The following MLYCD variants were observed in gnomAD, a reference collection of about 807,000 sequenced individuals.
MLYCD encodes the protein malonyl-CoA decarboxylase, mitochondrial.
In MLYCD, 27 loss-of-function variants were observed where a neutral mutation model predicts 35.8. That is an observed-to-expected ratio of 0.75 (90% CI 0.56 to 1.04). MLYCD has a LOEUF of 1.04. Among genes scored for constraint, MLYCD ranks in the 50% least tolerant of loss-of-function variants. The pLI is 0.00. For synonymous variants in MLYCD, 403 were observed against 302.4 expected (o/e 1.33, Z -3.45); for missense variants, 917 against 665.1 (o/e 1.38, Z -4.17).
Position 83,923,114 on chromosome 16 carries a change from G to A in MLYCD, c.*7625G>A, listed in dbSNP as rs1907704368. On this transcript the variant is annotated 3_prime_UTR_variant, in exon 5 of 5. Coordinates refer to ENST00000262430, the MANE Select transcript of MLYCD (RefSeq NM_012213.3). ...ACCCTCTCCATCCCTCCTTCCCTCT[G>A]AGGGCTTGACCTTCACTGACCTCCA... The A allele has an allele frequency of 6.6e-6, 1 of 152,224 alleles. No homozygotes were observed. The highest frequency in any genetic ancestry group is 6.5e-5 in the Admixed American group (1 of 15,276). The allele number at this position is 152,224 out of a possible 1,614,324, so 9.4% of individuals were successfully genotyped here.
rs763475214 is a variant in MLYCD at position 83,924,100 on chromosome 16, G to A, written c.*8611G>A. The A allele has an allele frequency of 3.3e-5, 5 of 152,534 alleles. No individual in the cohort carries two copies. Among genetic ancestry groups the A allele is most frequent in the South Asian group, 2.1e-4 (1 of 4,824 alleles). 9.4% of individuals were successfully genotyped at this position (152,534 alleles called of 1,614,324 possible). ...ACCAAAGCATAAAATCCAGGCCAGC[G>A]AGGGGCAGCCAGACCACGGGAAGAC... is the stretch of plus-strand genomic sequence containing the variant. On this transcript the variant is annotated 3_prime_UTR_variant, in exon 5 of 5. Coordinates refer to ENST00000262430, the MANE Select transcript of MLYCD (RefSeq NM_012213.3).
At position 83,926,792 on chromosome 16, in the gene MLYCD, T is replaced by G. The variant is rs1907821098; in HGVS notation, c.*11303T>G. The G allele has an allele frequency of 6.6e-6, 1 of 152,190 alleles. No homozygotes were observed. The highest frequency in any genetic ancestry group is 2.4e-5 in the African/African-American group (1 of 41,434). The allele number at this position is 152,190 out of a possible 1,614,324, so 9.4% of individuals were successfully genotyped here. On this transcript the variant is annotated 3_prime_UTR_variant, in exon 5 of 5. Transcript: ENST00000262430. ...AAAATGAGTCTCTGGGACAGATGGA[T>G]CCCAGTCTGGGTCCTCGCAAGCGCT...
In MLYCD at chr16:83,906,661, A is replaced by G. The variant is rs567951014; in HGVS notation, c.529-326A>G. On this transcript the variant is annotated intron_variant, in intron 1 of 4. Transcript: ENST00000262430. ...TCTTTCATTGTTATGTTGATTTTATATGATTAGTATGCTCACTATGGTGAA... is the reference window on the plus strand; with the variant it reads ...TCTTTCATTGTTATGTTGATTTTATGTGATTAGTATGCTCACTATGGTGAA... Among the ~76,000 whole-genome samples, 28 of 152,300 alleles carry G rather than the reference A, an allele frequency of 1.8e-4. No individual in the cohort carries two copies. In the South Asian group the frequency reaches 5.0e-3, roughly 27 times the overall value.
In MLYCD at chr16:83,908,201, C is replaced by T. The variant is rs754841612; in HGVS notation, c.717C>T (p.Phe239=). 5.6e-6 allele frequency: 9 copies of T among 1,614,218 alleles called. No individual in the cohort carries two copies. In the South Asian group the frequency reaches 7.7e-5, roughly 14 times the overall value. The part of the protein sequence containing the change: ...RRVGPYRRCY[F]FSHCSTPGEP... ...TTGGGCCCTACAGAAGGTGTTACTT[C>T]TTTTCTCACTGTTCGACCCCTGGGG... Residue 239 remains phenylalanine, a synonymous_variant, in exon 3 of 5, where the codon TTC becomes TTT. Transcript: ENST00000262430.
intron 1 of MLYCD, among the ~76,000 whole-genome samples, chr16:83,905,569 C>T (rs915651831): frequency 5.9e-5 from 9 of 152,156 alleles, no homozygotes; most frequent in East Asian, 3.9e-4. Flanking sequence ...AAAGCCACGT[C>T]GTGGCCCAGG....
intron 1 of MLYCD, 91 bp from the exon 2 acceptor site, chr16:83,906,896 G>C (rs1597290293): frequency 9.5e-7 from 1 of 1,052,586 alleles, no homozygotes; most frequent in South Asian, 1.3e-5. Flanking sequence ...TATCGTGCTT[G>C]AGTGTTTTCA....
In MLYCD at chr16:83,899,564, C is replaced by G. The variant is rs771249439; in HGVS notation, c.420C>G (p.Leu140=). 18 of 1,593,332 alleles carry G rather than the reference C, an allele frequency of 1.1e-5. No homozygotes were observed. The highest frequency in any genetic ancestry group is 2.7e-5 in the African/African-American group (2 of 74,364). The change falls in exon 1 of 5, where the codon CTC becomes CTG. Residue 140 remains leucine, a synonymous_variant. Coordinates refer to ENST00000262430, the MANE Select transcript of MLYCD (RefSeq NM_012213.3). ...CGCTGGTGCCGCGCTATCGCGGCCT[C>G]TTCCACCACATCAGCAAGCTGGACG... ...RYALVPRYRG[L]FHHISKLDGG...
intron 1 of MLYCD, among the ~76,000 whole-genome samples, chr16:83,900,504 T>TC (rs1389381489): frequency 6.6e-6 from 1 of 151,758 alleles, no homozygotes; most frequent in African/African-American, 2.4e-5. Flanking sequence ...AGCCTCGACT[T>TC]CCCCAGGCTC....
rs1189205141 is a variant in MLYCD at position 83,921,448 on chromosome 16, G to GTGGA, written c.*5967_*5970dup. On this transcript the variant is annotated 3_prime_UTR_variant, in exon 5 of 5. Transcript: ENST00000262430. ...GATGGATGGATGGGTGGGTGGGTGGGTGGATGGATGGCGCAGGGTATATGG... is the reference window on the plus strand; with the variant it reads ...GATGGATGGATGGGTGGGTGGGTGGGTGGATGGATGGATGGCGCAGGGTATATGG... 9.9e-6 allele frequency: 1 copy of GTGGA among 100,508 alleles called. No homozygotes were observed. Among genetic ancestry groups the GTGGA allele is most frequent in the African/African-American group, 3.8e-5 (1 of 26,536 alleles). 6.2% of individuals were successfully genotyped at this position (100,508 alleles called of 1,614,324 possible). A position where few individuals can be genotyped will look rare whatever the true frequency, so the allele number is the denominator to read the frequency against.
At position 83,909,504 on chromosome 16, in the gene MLYCD, G is replaced by C. The variant is rs145176070; in HGVS notation, c.798+1222G>C. ...TATAGAGTAGCATGGGTATGGTGTG[G>C]TCTTATGAATAATATTAATAATATC... On this transcript the variant is annotated intron_variant, in intron 3 of 4. Coordinates refer to ENST00000262430, the MANE Select transcript of MLYCD (RefSeq NM_012213.3). Among the ~76,000 whole-genome samples the C allele has an allele frequency of 7.0e-4, 107 of 152,242 alleles. 1 individual carries two copies. In the Middle Eastern group the frequency reaches 0.01, roughly 15 times the overall value.
At chr16:83,900,573 G>C (rs1906748874) in intron 1 of MLYCD, among the ~76,000 whole-genome samples, 1 of 148,238 alleles carries the variant, frequency 6.7e-6, no homozygotes, top group South Asian at 2.1e-4. Context: ...AGGCCACCAT[G>C]CCCGGCTAAT....
chr16:83,912,078 C>G (rs931698260), intron 3 of MLYCD, 140 bp from the exon 4 acceptor site: 77 of 1,259,924 alleles, frequency 6.1e-5, no homozygotes, highest in South Asian at 1.3e-4. Context: ...GCTCTGTAGC[C>G]TGAACCCCAG....
At position 83,908,107 on chromosome 16, in the gene MLYCD, T is replaced by C. The variant is rs927277444; in HGVS notation, c.642-19T>C. On this transcript the variant is annotated intron_variant, in intron 2 of 4. Coordinates refer to ENST00000262430, the MANE Select transcript of MLYCD (RefSeq NM_012213.3). ...GTGAATTATGCATTTGTCTTGTCTC[T>C]TTATAAATTCCGCCCCAGGGCTGAG... 1.9e-6 allele frequency: 3 copies of C among 1,614,180 alleles called. No individual in the cohort carries two copies. Among genetic ancestry groups the C allele is most frequent in the Non-Finnish European group, 2.5e-6 (3 of 1,180,022 alleles).
At position 83,919,692 on chromosome 16, in the gene MLYCD, C is replaced by A. The variant is rs1325637958; in HGVS notation, c.*4203C>A. On this transcript the variant is annotated 3_prime_UTR_variant, in exon 5 of 5. Coordinates refer to ENST00000262430, the MANE Select transcript of MLYCD (RefSeq NM_012213.3). Reference sequence around the variant, plus strand: ...GGTTCACAGGAGAACACACAGTGCACAGAACACACGGGGCACAGGAGAACA... The same window carrying A: ...GGTTCACAGGAGAACACACAGTGCAAAGAACACACGGGGCACAGGAGAACA... The A allele has an allele frequency of 6.7e-6, 1 of 148,894 alleles. No individual in the cohort carries two copies. Among genetic ancestry groups the A allele is most frequent in the African/African-American group, 2.5e-5 (1 of 39,480 alleles). 9.2% of individuals were successfully genotyped at this position (148,894 alleles called of 1,614,324 possible).
At chr16:83,907,927 GT>G (rs1907039134) in intron 2 of MLYCD, among the ~76,000 whole-genome samples, 198 bp from the exon 3 acceptor site, 1 of 152,166 alleles carries the variant, frequency 6.6e-6, no homozygotes, top group East Asian at 1.9e-4. Flanking sequence ...AATTTTGTGT[GT>G]AAAATGGTCA....
At chr16:83,909,862 A>T (rs1907111748) in intron 3 of MLYCD, among the ~76,000 whole-genome samples, 1 of 150,232 alleles carries the variant, frequency 6.7e-6, no homozygotes, top group African/African-American at 2.5e-5. Flanking sequence ...CGAACTCCCG[A>T]CCTCAGGTGA....
At chr16:83,900,680 T>A (rs1456368947) in intron 1 of MLYCD, among the ~76,000 whole-genome samples, 1 of 151,718 alleles carries the variant, frequency 6.6e-6, no homozygotes, top group Non-Finnish European at 1.5e-5. Flanking sequence ...CGTAAATGTT[T>A]CAGGAAGTTT....
At position 83,899,159 on chromosome 16, in the gene MLYCD, GC is replaced by G; in HGVS notation, c.17del (p.Pro6GlnfsTer3). On this transcript the variant is annotated frameshift_variant, in exon 1 of 5. Coordinates refer to ENST00000262430, the MANE Select transcript of MLYCD (RefSeq NM_012213.3). LOFTEE classifies it high-confidence loss of function. Reference sequence around the variant, plus strand: ...TGTGGGGCACCATGCGAGGCTTCGGGCCAGGCTTGACGGCCAGGCGTCTCCT... The same window carrying G: ...TGTGGGGCACCATGCGAGGCTTCGGGCAGGCTTGACGGCCAGGCGTCTCCT... MRGFG[P>X]GLTARRLLPL... 1 of 1,154,510 alleles carries G rather than the reference GC, an allele frequency of 8.7e-7. No homozygotes were observed. Among genetic ancestry groups the G allele is most frequent in the South Asian group, 3.5e-5 (1 of 28,848 alleles). 71.5% of individuals were successfully genotyped at this position (1,154,510 alleles called of 1,614,324 possible).
chr16:83,902,155 G>GTGTGTATA (rs1555537769), intron 1 of MLYCD, among the ~76,000 whole-genome samples: 1 of 87,318 alleles, frequency 1.1e-5, no homozygotes, highest in Non-Finnish European at 2.3e-5. Flanking sequence ...GTGTGCGTGC[G>GTGTGTATA]TATATATATA....
Sources: allele counts gnomAD v4.1 joint callset (sites outside exome capture counted in the v4.1 genomes callset), GRCh38; gene constraint gnomAD v4.1.1; transcripts MANE v1.5; gene names NCBI Gene and HGNC (gene_info 2026-07-23, HGNC 2026-07-21).